The following PIGK variants were observed in gnomAD, a reference collection of about 807,000 sequenced individuals.
PIGK encodes the protein GPI-anchor transamidase.
Under a neutral mutation model 50.6 loss-of-function variants are expected in PIGK, and 42 were observed. The observed-to-expected ratio is 0.83, with a 90% CI of 0.65 to 1.07. PIGK has a LOEUF of 1.07. Ranked by LOEUF, PIGK falls within the 50% of genes least tolerant of loss-of-function variation. The probability of loss-of-function intolerance (pLI) is 0.00; values close to 1 mark genes in which losing one functional copy is unlikely to be tolerated. For synonymous variants in PIGK, 151 were observed against 156.0 expected, an observed-to-expected ratio of 0.97 and a Z score of 0.24; for missense variants, 448 against 488.7, an observed-to-expected ratio of 0.92 and a Z score of 0.78.
At chr1:77,182,291 G>T (rs937420140) in intron 3 of PIGK, among the ~76,000 whole-genome samples, 12 of 152,206 alleles carry the variant, frequency 7.9e-5, no homozygotes, top group Non-Finnish European at 1.6e-4. Flanking sequence ...GAAGCATCCA[G>T]CAGGGGAGAA....
In PIGK at chr1:77,165,046, T is replaced by A. The variant is rs116621955; in HGVS notation, c.488-1104A>T. Among the ~76,000 whole-genome samples, 300 of 152,226 alleles carry A rather than the reference T, an allele frequency of 2.0e-3. 2 individuals carry two copies. Among genetic ancestry groups the A allele is most frequent in the African/African-American group, 6.8e-3 (284 of 41,542 alleles). On this transcript the variant is annotated intron_variant, in intron 5 of 10. Transcript: ENST00000370812. ...CTCTGCTGTGGTAGTATGGAAGCAG[T>A]CACAGAAACTGTGTAAACCAAATGG...
chr1:77,125,142 T>C (rs1473626244), intron 9 of PIGK, among the ~76,000 whole-genome samples: 2 of 152,208 alleles, frequency 1.3e-5, no homozygotes, highest in South Asian at 2.1e-4. Flanking sequence ...TCTTACTCAA[T>C]ATAAAAGATA....
intron 3 of PIGK, among the ~76,000 whole-genome samples, chr1:77,191,423 T>C (rs187903602): frequency 1.6e-3 from 238 of 152,354 alleles, no homozygotes; most frequent in Middle Eastern, 3.4e-3. Flanking sequence ...GCTACTATAA[T>C]AAAAGTATTT....
At chr1:77,169,422 A>G (rs759081165) in intron 3 of PIGK, 27 bp from the exon 4 acceptor site, 5 of 1,535,496 alleles carry the variant, frequency 3.3e-6, no homozygotes, top group Admixed American at 2.0e-5. Context: ...CAGTAAATAT[A>G]TAATTTAGAT....
intron 9 of PIGK, among the ~76,000 whole-genome samples, chr1:77,127,210 CT>C (rs1234895952): frequency 6.6e-6 from 1 of 152,178 alleles, no homozygotes; most frequent in East Asian, 1.9e-4. Context: ...TACAATCCCC[CT>C]GTGCTTTCTG....
rs561709058 is a variant in PIGK, at chr1:77,139,610, G to A, written c.986+14839C>T. On this transcript the variant is annotated intron_variant, in intron 9 of 10. Transcript: ENST00000370812. Reference sequence around the variant, plus strand: ...TTACTATCTAGAAACACTGTAGGAAGTAGAACCCATGTAGTCCTTACCACT... The same window carrying A: ...TTACTATCTAGAAACACTGTAGGAAATAGAACCCATGTAGTCCTTACCACT... Among the ~76,000 whole-genome samples, 923 of 152,296 alleles carry A rather than the reference G, an allele frequency of 6.1e-3. 5 individuals carry two copies. Among genetic ancestry groups the A allele is most frequent in the Non-Finnish European group, 9.4e-3 (641 of 68,012 alleles).
chr1:77,130,696 G>C (rs1386102954), intron 9 of PIGK, among the ~76,000 whole-genome samples: 2 of 152,194 alleles, frequency 1.3e-5, no homozygotes, highest in East Asian at 3.9e-4. Context: ...AATGGCTTTG[G>C]CTTTTTCTTC....
intron 6 of PIGK, among the ~76,000 whole-genome samples, chr1:77,163,608 A>T (rs1655174068): frequency 6.6e-6 from 1 of 152,166 alleles, no homozygotes; most frequent in African/African-American, 2.4e-5. Context: ...TCTAAAAAAG[A>T]TGCTAAATAA....
intron 3 of PIGK, among the ~76,000 whole-genome samples, chr1:77,173,136 G>A (rs907848928): frequency 2.6e-5 from 4 of 152,100 alleles, no homozygotes; most frequent in East Asian, 1.9e-4. Flanking sequence ...ATAAGTGTTA[G>A]GCCCCAGAAG....
At chr1:77,129,894 C>T (rs956519314) in intron 9 of PIGK, among the ~76,000 whole-genome samples, 2 of 151,812 alleles carry the variant, frequency 1.3e-5, no homozygotes, top group Non-Finnish European at 2.9e-5. Context: ...ATTTATACTG[C>T]CACCAGAAAT....
chr1:77,212,026 T>C (rs1656432679), intron 1 of PIGK, among the ~76,000 whole-genome samples: 2 of 152,092 alleles, frequency 1.3e-5, no homozygotes, highest in African/African-American at 4.8e-5. Flanking sequence ...AGGTACTTTA[T>C]TTGAACTCAC....
intron 3 of PIGK, among the ~76,000 whole-genome samples, chr1:77,198,900 G>C (rs1312690725): frequency 6.6e-6 from 1 of 151,868 alleles, no homozygotes; most frequent in East Asian, 1.9e-4. Flanking sequence ...GGAAGAACAA[G>C]ACCTAAGAAT....
rs1299846044 is a variant in PIGK at position 77,091,238 on chromosome 1, G to A, written c.*1136C>T. ...TTGAAAAGAAAAAACAACATCAGGGGTTGGTCATAGCACAGTCTCAATATT... is the reference window on the plus strand; with the variant it reads ...TTGAAAAGAAAAAACAACATCAGGGATTGGTCATAGCACAGTCTCAATATT... On this transcript the variant is annotated 3_prime_UTR_variant, in exon 11 of 11. Coordinates refer to ENST00000370812, the MANE Select transcript of PIGK (RefSeq NM_005482.3). 6.6e-6 allele frequency: 1 copy of A among 152,152 alleles called. No individual in the cohort carries two copies. The highest frequency in any genetic ancestry group is 2.4e-5 in the African/African-American group (1 of 41,446). 9.4% of individuals were successfully genotyped at this position (152,152 alleles called of 1,614,324 possible).
rs150125220 is a variant in PIGK at position 77,193,796 on chromosome 1, G to A, written c.239+12844C>T. Reference sequence around the variant, plus strand: ...TAGGCCCTGGCAAAGATTTCATGACGCAGATACCAAAAGCAATTGCAACGA... The same window carrying A: ...TAGGCCCTGGCAAAGATTTCATGACACAGATACCAAAAGCAATTGCAACGA... On this transcript the variant is annotated intron_variant, in intron 3 of 10. Coordinates refer to ENST00000370812, the MANE Select transcript of PIGK (RefSeq NM_005482.3). Among the ~76,000 whole-genome samples the A allele has an allele frequency of 1.2e-3, 179 of 152,114 alleles. 1 individual carries two copies. The highest frequency in any genetic ancestry group is 0.01 in the Middle Eastern group (3 of 290).
At chr1:77,161,998 A>G (rs1429065123) in intron 6 of PIGK, among the ~76,000 whole-genome samples, 1 of 152,202 alleles carries the variant, frequency 6.6e-6, no homozygotes, top group African/African-American at 2.4e-5. Flanking sequence ...ATTCCATTCA[A>G]CAAGCACTTA....
intron 3 of PIGK, among the ~76,000 whole-genome samples, chr1:77,186,835 T>G (rs569653096): frequency 6.6e-6 from 1 of 152,304 alleles, no homozygotes; most frequent in African/African-American, 2.4e-5. Flanking sequence ...AGACCAACAC[T>G]GACCCCTCAA....
chr1:77,190,716 T>C (rs957743079), intron 3 of PIGK, among the ~76,000 whole-genome samples: 4 of 152,236 alleles, frequency 2.6e-5, no homozygotes, highest in Non-Finnish European at 4.4e-5. Flanking sequence ...GCTAATATTC[T>C]AGACAGTCTC....
chr1:77,152,624 G>C (rs1467032863), intron 9 of PIGK, among the ~76,000 whole-genome samples: 1 of 150,914 alleles, frequency 6.6e-6, no homozygotes, highest in Non-Finnish European at 1.5e-5. Context: ...TTAATAACCA[G>C]AAAATATAAG....
At chr1:77,191,032 C>A (rs1197739377) in intron 3 of PIGK, among the ~76,000 whole-genome samples, 2 of 152,222 alleles carry the variant, frequency 1.3e-5, no homozygotes, top group Non-Finnish European at 2.9e-5. Flanking sequence ...CCATCTCTTT[C>A]TTCCTGTTTT....
Sources: allele counts gnomAD v4.1 joint callset (sites outside exome capture counted in the v4.1 genomes callset), GRCh38; gene constraint gnomAD v4.1.1; transcripts MANE v1.5; gene names NCBI Gene and HGNC (gene_info 2026-07-23, HGNC 2026-07-21).